Variants in PALLD observed in about 807,000 individuals in gnomAD.
PALLD encodes the protein palladin.
A neutral mutation model predicts 123.5 loss-of-function variants in PALLD; 61 were observed. The observed-to-expected ratio is 0.49, with a 90% confidence interval of 0.40 to 0.61. The LOEUF is 0.61. Among genes scored for constraint, PALLD ranks in the 20% least tolerant of loss-of-function variants. The pLI, the probability that PALLD is intolerant of heterozygous loss-of-function variation, is 0.00. For synonymous variants in PALLD, 465 were observed against 496.4 expected, an observed-to-expected ratio of 0.94 and a Z score of 0.84; for missense variants, 1,273 against 1,377.0, an observed-to-expected ratio of 0.92 and a Z score of 1.20.
chr4:168,913,112 G>C (rs1161400177), intron 15 of PALLD, among the ~76,000 whole-genome samples: 1 of 149,266 alleles, frequency 6.7e-6, no homozygotes, highest in Non-Finnish European at 1.5e-5. Context: ...TTTAATGTAT[G>C]GTTTGGGGAA....
chr4:168,751,000 G>A (rs1319594270), intron 10 of PALLD, among the ~76,000 whole-genome samples: 1 of 150,652 alleles, frequency 6.6e-6, no homozygotes, highest in East Asian at 1.9e-4. Context: ...GTGTGTGTGT[G>A]TGTGTCTGCG....
At chr4:168,715,646 C>T (rs1051087018) in intron 10 of PALLD, among the ~76,000 whole-genome samples, 4 of 152,074 alleles carry the variant, frequency 2.6e-5, no homozygotes, top group African/African-American at 9.7e-5. Flanking sequence ...TCTCTTTATT[C>T]CTACCAAAAA....
intron 10 of PALLD, among the ~76,000 whole-genome samples, chr4:168,776,241 G>A (rs764315036): frequency 2.0e-5 from 3 of 152,130 alleles, no homozygotes; most frequent in Non-Finnish European, 4.4e-5. Flanking sequence ...AACAGGTCTT[G>A]TACATCTTTT....
chr4:168,881,921 A>C (rs1752667065), intron 10 of PALLD, among the ~76,000 whole-genome samples: 1 of 152,106 alleles, frequency 6.6e-6, no homozygotes, highest in Non-Finnish European at 1.5e-5. Context: ...TGGCCATACT[A>C]AGTCTGAAGG....
intron 15 of PALLD, chr4:168,904,117 C>A: frequency 3.5e-6 from 2 of 568,566 alleles, no homozygotes; most frequent in Non-Finnish European, 6.3e-6. Context: ...TATTCTACTC[C>A]TTCCACAAAT....
chr4:168,759,188 A>AT (rs1561490089), intron 10 of PALLD, among the ~76,000 whole-genome samples: 1 of 25,966 alleles, frequency 3.9e-5, no homozygotes, highest in Non-Finnish European at 8.3e-5. Context: ...TCAAAAAAAA[A>AT]AAAAAAAAAA....
At chr4:168,502,576 T>TA (rs1315549448) in intron 1 of PALLD, among the ~76,000 whole-genome samples, 2 of 152,148 alleles carry the variant, frequency 1.3e-5, no homozygotes, top group African/African-American at 4.8e-5. Flanking sequence ...CAACAGTTGA[T>TA]AAAACAGAAG....
intron 10 of PALLD, among the ~76,000 whole-genome samples, chr4:168,856,046 T>C (rs970210059): frequency 1.2e-4 from 19 of 152,332 alleles, no homozygotes; most frequent in African/African-American, 3.8e-4. Context: ...GTCGTTCCCA[T>C]CTTCATGTTT....
Position 168,891,006 on chromosome 4 carries a change from C to T in PALLD, c.2049C>T (p.Asp683=). ...IQGTKDAVIQ[D]LERKLRFKED... The stretch of plus-strand genomic sequence containing the variant: ...GCACAAAGGATGCTGTTATTCAAGA[C>T]CTGGAACGAAAACTTCGCTTCAAGG... The change falls in exon 11 of 22, where the codon GAC becomes GAT. Residue 683 remains aspartate (D), a synonymous_variant. Transcript: ENST00000505667. 6.2e-7 allele frequency: 1 copy of T among 1,614,072 alleles called. No homozygotes were observed. Among genetic ancestry groups the T allele is most frequent in the Non-Finnish European group, 8.5e-7 (1 of 1,179,938 alleles).
At chr4:168,805,923 C>T (rs1199863605) in intron 10 of PALLD, among the ~76,000 whole-genome samples, 2 of 152,266 alleles carry the variant, frequency 1.3e-5, no homozygotes, top group East Asian at 1.9e-4. Flanking sequence ...TTTGATGATG[C>T]GGTTTGGCCC....
intron 8 of PALLD, among the ~76,000 whole-genome samples, chr4:168,707,356 A>T (rs1784326778): frequency 6.6e-6 from 1 of 152,224 alleles, no homozygotes; most frequent in Non-Finnish European, 1.5e-5. Context: ...GTGCCAGGCT[A>T]GGCTGACCAC....
At chr4:168,874,755 G>A (rs910825414) in intron 10 of PALLD, among the ~76,000 whole-genome samples, 2 of 152,086 alleles carry the variant, frequency 1.3e-5, no homozygotes, top group Admixed American at 6.6e-5. Flanking sequence ...GGCTCTGCAG[G>A]TAACTTGCTC....
chr4:168,696,180 A>G (rs528624239), intron 8 of PALLD, among the ~76,000 whole-genome samples: 22 of 152,266 alleles, frequency 1.4e-4, no homozygotes, highest in African/African-American at 4.8e-4. Context: ...GACTCAAGAC[A>G]CATTTGAGTA....
chr4:168,526,381 A>G (rs1580136598), intron 2 of PALLD, among the ~76,000 whole-genome samples: 1 of 152,230 alleles, frequency 6.6e-6, no homozygotes, highest in Non-Finnish European at 1.5e-5. Flanking sequence ...GTCTTTCATT[A>G]CAGTTTGTTC....
At chr4:168,904,681 A>G in intron 15 of PALLD, among the ~76,000 whole-genome samples, 1 of 152,222 alleles carries the variant, frequency 6.6e-6, no homozygotes, top group East Asian at 1.9e-4. Flanking sequence ...TTAAAAAGAA[A>G]AAAAAAGGCA....
rs888275563 is a variant in PALLD, at chr4:168,903,974, G to C, written c.2622+68G>C. 11 of 1,402,868 alleles carry C rather than the reference G, an allele frequency of 7.8e-6. No individual in the cohort carries two copies. In the Admixed American group the frequency reaches 8.4e-5, roughly 11 times the overall value. The allele number at this position is 1,402,868 out of a possible 1,614,324, so 86.9% of individuals were successfully genotyped here. On this transcript the variant is annotated intron_variant, in intron 15 of 21. Transcript: ENST00000505667. ...CTTACAGGCATTTGATTAGACAAAG[G>C]AACTATTTAAAAGGTGAAGTTAAGA...
intron 2 of PALLD, among the ~76,000 whole-genome samples, chr4:168,566,596 C>T (rs1331193235): frequency 6.6e-6 from 1 of 152,170 alleles, no homozygotes. Context: ...CCATGCTCAG[C>T]TATCTCCACA....
chr4:168,878,024 C>CT, intron 10 of PALLD: 1 of 1,492,968 alleles, frequency 6.7e-7, no homozygotes, highest in Non-Finnish European at 8.9e-7. Flanking sequence ...GGCCTCCAGC[C>CT]CCAGCTCGTC....
At chr4:168,503,964 T>C (rs538583198) in intron 1 of PALLD, among the ~76,000 whole-genome samples, 1 of 152,358 alleles carries the variant, frequency 6.6e-6, no homozygotes, top group South Asian at 2.1e-4. Context: ...TGATCTCTCT[T>C]ACCATTTTTA....
Sources: allele counts gnomAD v4.1 joint callset (sites outside exome capture counted in the v4.1 genomes callset), GRCh38; gene constraint gnomAD v4.1.1; transcripts MANE v1.5; gene names NCBI Gene and HGNC (gene_info 2026-07-23, HGNC 2026-07-21).